The following ANK1 variants were observed in gnomAD, a reference collection of about 807,000 sequenced individuals.
ANK1 encodes the protein ankyrin 1.
ANK1 carries 51 observed loss-of-function variants against 210.4 expected under a neutral mutation model. The ratio of observed to expected loss-of-function variants is 0.24; its 90% CI spans 0.19 to 0.31. The LOEUF (loss-of-function observed/expected upper bound fraction) is 0.31, where lower values mean the gene tolerates loss of function less well. Ranked by LOEUF, ANK1 falls within the 10% of genes least tolerant of loss-of-function variation. The pLI is 1.00. For missense variants in ANK1, 2,051 were observed against 2,504.4 expected, an observed-to-expected ratio of 0.82 and a Z score of 3.86; for synonymous variants, 967 against 1,025.9, an observed-to-expected ratio of 0.94 and a Z score of 1.10.
chr8:41,676,834 GTTAA>G (rs904144339), intron 37 of ANK1, among the ~76,000 whole-genome samples: 1 of 152,150 alleles, frequency 6.6e-6, no homozygotes, highest in Non-Finnish European at 1.5e-5. Flanking sequence ...CAGTTTTCTT[GTTAA>G]TTGTCTTTCT....
chr8:41,789,930 C>G (rs558660971), intron 1 of ANK1, among the ~76,000 whole-genome samples: 11 of 152,278 alleles, frequency 7.2e-5, no homozygotes, highest in South Asian at 4.1e-4. Flanking sequence ...AGGGATAAAA[C>G]CCCGGGGACC....
intron 40 of ANK1, among the ~76,000 whole-genome samples, chr8:41,663,140 GTA>G (rs1554517867): frequency 4.0e-5 from 6 of 150,972 alleles, no homozygotes; most frequent in African/African-American, 1.2e-4. Flanking sequence ...GTGTGTGTGT[GTA>G]TTTATTTATT....
At chr8:41,713,032 G>A (rs1276699817) in intron 16 of ANK1, among the ~76,000 whole-genome samples, 1 of 152,188 alleles carries the variant, frequency 6.6e-6, no homozygotes, top group Non-Finnish European at 1.5e-5. Context: ...GCAAGATGGG[G>A]ACACGTGTCT....
At chr8:41,696,829 C>A (rs894037723) in intron 24 of ANK1, 56 bp from the exon 25 acceptor site, 2 of 1,499,102 alleles carry the variant, frequency 1.3e-6, no homozygotes, top group African/African-American at 1.4e-5. Context: ...AGCTGGATGC[C>A]GTGCCAGGGC....
rs571598569 is a variant in ANK1 at position 41,882,246 on chromosome 8, T to C, written c.126+14109A>G. Among the ~76,000 whole-genome samples the C allele has an allele frequency of 1.8e-3, 270 of 152,238 alleles. 1 individual carries two copies. The highest frequency in any genetic ancestry group is 2.9e-3 in the Non-Finnish European group (194 of 68,008). ...GCCTGGTGAGCCACTGAGCTCCATG[T>C]AACACCACGGGACACCATCCACACG... On this transcript the variant is annotated intron_variant, in intron 1 of 42. Coordinates refer to the ANK1 transcript ENST00000265709.
intron 31 of ANK1, 134 bp from the exon 32 acceptor site, chr8:41,690,733 T>A: frequency 7.1e-7 from 1 of 1,411,448 alleles, no homozygotes; most frequent in Non-Finnish European, 9.8e-7. Context: ...TGCTGAGAAA[T>A]CCACTGTTTG....
At chr8:41,655,857 G>A in intron 42 of ANK1, 104 bp from the exon 43 acceptor site, 1 of 1,354,434 alleles carries the variant, frequency 7.4e-7, no homozygotes. Context: ...GGCCGAATCT[G>A]ACTCAGGAAA....
At chr8:41,807,482 C>T (rs1176643220) in intron 1 of ANK1, among the ~76,000 whole-genome samples, 1 of 152,150 alleles carries the variant, frequency 6.6e-6, no homozygotes, top group Non-Finnish European at 1.5e-5. Flanking sequence ...GCCCTTTCAC[C>T]TTCTTCCTGT....
In ANK1 at chr8:41,656,012, T is replaced by C. The variant is rs17659386; in HGVS notation, c.*37-259A>G. 0.6 allele frequency among the ~76,000 whole-genome samples: 90,899 copies of C among 152,170 alleles called. 27,687 individuals carry two copies. The highest frequency in any genetic ancestry group is 0.71 in the African/African-American group (29,475 of 41,520). ...AGGCCTCATGAATTCCTTCTGAGTG[T>C]GCAAGTGTTCCAGGATGCCTCTCTG... On this transcript the variant is annotated intron_variant, in intron 42 of 42. Transcript: ENST00000289734.
At chr8:41,748,710 G>C (rs1586672762) in intron 2 of ANK1, among the ~76,000 whole-genome samples, 1 of 152,168 alleles carries the variant, frequency 6.6e-6, no homozygotes, top group African/African-American at 2.4e-5. Context: ...TGACTGGCTG[G>C]CTCTTGGAAC....
Position 41,706,249 on chromosome 8 carries a change from G to T in ANK1, c.1999-8C>A. 1.9e-6 allele frequency: 3 copies of T among 1,612,710 alleles called. No homozygotes were observed. The highest frequency in any genetic ancestry group is 1.1e-5 in the South Asian group (1 of 90,956). On this transcript the variant is annotated splice_region_variant and splice_polypyrimidine_tract_variant and intron_variant, in intron 17 of 42. Transcript: ENST00000289734. ...GAGGGGAGTGAGTCCGCTCTGCAAA[G>T]AAAAAGACGTTCATCACCTTCTATC...
Position 41,780,750 on chromosome 8 carries a change from G to A in ANK1, c.27+16762C>T, listed in dbSNP as rs192295833. 4.4e-4 allele frequency among the ~76,000 whole-genome samples: 67 copies of A among 152,334 alleles called. 1 individual carries two copies. The highest frequency in any genetic ancestry group is 4.1e-3 in the Admixed American group (63 of 15,300). On this transcript the variant is annotated intron_variant, in intron 1 of 42. Transcript: ENST00000289734. ...TGCGTGCATGTGTATGCATGTGCAC[G>A]AGTGTGTGCATGTATGAGTTTGTAT...
chr8:41,803,045 A>AAGAAAGAAAGAAAG (rs1850266251), intron 1 of ANK1, among the ~76,000 whole-genome samples: 1 of 71,528 alleles, frequency 1.4e-5, no homozygotes, highest in African/African-American at 6.1e-5. Flanking sequence ...AAGAAAGAGA[A>AAGAAAGAAAGAAAG]AGAAAGAAAG....
chr8:41,726,577 G>A (rs1446056710), intron 5 of ANK1, among the ~76,000 whole-genome samples: 8 of 152,062 alleles, frequency 5.3e-5, no homozygotes, highest in Admixed American at 5.2e-4. Flanking sequence ...TGTAGAGACG[G>A]GGTCTTGCTG....
At chr8:41,891,779 C>T (rs1020895614) in intron 1 of ANK1, among the ~76,000 whole-genome samples, 8 of 152,106 alleles carry the variant, frequency 5.3e-5, no homozygotes, top group Non-Finnish European at 1.0e-4. Flanking sequence ...TGGAGGCTCC[C>T]GAGGTACTAC....
intron 1 of ANK1, among the ~76,000 whole-genome samples, chr8:41,864,622 T>C (rs550057688): frequency 1.2e-4 from 19 of 152,312 alleles, no homozygotes; most frequent in African/African-American, 4.1e-4. Context: ...AGTTACTGCA[T>C]CATAAATAAA....
chr8:41,851,498 G>C (rs946123666), intron 1 of ANK1, among the ~76,000 whole-genome samples: 1 of 152,236 alleles, frequency 6.6e-6, no homozygotes, highest in Non-Finnish European at 1.5e-5. Flanking sequence ...TGCCTGCTGG[G>C]CCTCACTTCC....
At position 41,708,872 on chromosome 8, in the gene ANK1, C is replaced by A; in HGVS notation, c.1904G>T (p.Gly635Val). 3 of 1,614,098 alleles carry A rather than the reference C, an allele frequency of 1.9e-6. No homozygotes were observed. The highest frequency in any genetic ancestry group is 1.1e-5 in the South Asian group (1 of 91,084). Reference protein sequence around the residue: ...GGSANAESVQGVTPLHLAAQE... With the variant: ...GGSANAESVQVVTPLHLAAQE... Reference sequence around the variant, plus strand: ...GGCGGCCAGGTGAAGGGGCGTCACACCTTGCACCGACTCGGCGTTTGCTGA... The same window carrying A: ...GGCGGCCAGGTGAAGGGGCGTCACAACTTGCACCGACTCGGCGTTTGCTGA... Residue 635 changes from glycine (G) to valine (V), a missense_variant, in exon 17 of 43, where the codon GGT (glycine) becomes GTT (valine). This residue lies in a region of ANK1 where 1,413 missense variants were observed against 1,707.4 expected (regional missense o/e 0.83). Transcript: ENST00000289734.
intron 1 of ANK1, among the ~76,000 whole-genome samples, chr8:41,882,923 C>G (rs1817835371): frequency 6.6e-6 from 1 of 152,260 alleles, no homozygotes; most frequent in Non-Finnish European, 1.5e-5. Context: ...AAACAGACAC[C>G]ATTCTGCCCC....
Sources: allele counts gnomAD v4.1 joint callset (sites outside exome capture counted in the v4.1 genomes callset), GRCh38; gene constraint gnomAD v4.1.1; regional missense constraint gnomAD v4.1.1; transcripts MANE v1.5; gene names NCBI Gene and HGNC (gene_info 2026-07-23, HGNC 2026-07-21).